SNX29: variants seen among roughly 807,000 people sequenced by gnomAD.
SNX29 encodes sorting nexin-29.
SNX29 carries 78 observed loss-of-function variants against 102.1 expected under a neutral mutation model. The ratio of observed to expected loss-of-function variants is 0.76; its 90% CI spans 0.64 to 0.92. SNX29 has a LOEUF of 0.92. Among genes scored for constraint, SNX29 ranks in the 40% least tolerant of loss-of-function variants. The pLI is 0.00. For missense variants in SNX29, 1,280 were observed against 1,061.7 expected, an observed-to-expected ratio of 1.21 and a Z score of -2.86; for synonymous variants, 580 against 414.5, an observed-to-expected ratio of 1.40 and a Z score of -4.85.
At chr16:12,359,707 C>G (rs2082246956) in intron 16 of SNX29, among the ~76,000 whole-genome samples, 2 of 152,212 alleles carry the variant, frequency 1.3e-5, no homozygotes, top group African/African-American at 4.8e-5. Flanking sequence ...CTACTCATTA[C>G]TTCTCAACTC....
At chr16:12,451,846 A>C (rs771690903) in intron 18 of SNX29, among the ~76,000 whole-genome samples, 2 of 152,248 alleles carry the variant, frequency 1.3e-5, no homozygotes, top group African/African-American at 2.4e-5. Context: ...CCTGGGTGAC[A>C]GAGCAAGACT....
intron 13 of SNX29, among the ~76,000 whole-genome samples, chr16:12,179,870 G>GTTGGTAGTAGTCTAATTT (rs146984786): frequency 0.17 from 25,685 of 152,128 alleles, 2,274 homozygotes; most frequent in East Asian, 0.27. Context: ...TGCTGTCAAA[G>GTTGGTAGTAGTCTAATTT]TCTTCTCCTT....
intron 14 of SNX29, among the ~76,000 whole-genome samples, chr16:12,275,887 T>G (rs958327517): frequency 2.0e-5 from 3 of 146,978 alleles, no homozygotes; most frequent in Non-Finnish European, 4.5e-5. Context: ...AATTGTTTTT[T>G]TTTTTTTTTT....
At chr16:11,997,735 T>C (rs2056137960) in intron 1 of SNX29, among the ~76,000 whole-genome samples, 4 of 152,158 alleles carry the variant, frequency 2.6e-5, no homozygotes, top group African/African-American at 9.7e-5. Flanking sequence ...TGCCTCAGCC[T>C]TCCAAAGTGC....
chr16:12,545,138 C>T (rs1490939041), intron 20 of SNX29, among the ~76,000 whole-genome samples: 1 of 152,092 alleles, frequency 6.6e-6, no homozygotes, highest in Non-Finnish European at 1.5e-5. Flanking sequence ...TTACCTAGCA[C>T]AGCTATGAAG....
intron 15 of SNX29, among the ~76,000 whole-genome samples, chr16:12,331,562 T>A (rs2081292356): frequency 6.6e-6 from 1 of 152,120 alleles, no homozygotes; most frequent in South Asian, 2.1e-4. Context: ...AGAATTTTTT[T>A]GTTTTTGAGA....
intron 15 of SNX29, among the ~76,000 whole-genome samples, chr16:12,328,586 G>A (rs1016956274): frequency 2.0e-5 from 3 of 152,052 alleles, no homozygotes; most frequent in Non-Finnish European, 4.4e-5. Flanking sequence ...TCTGTCCCCA[G>A]AGGCCTTGGT....
rs66825746 is a variant in SNX29 at position 12,557,015 on chromosome 16, A to ACACCCCCCCCCCCCCCCCC, written c.2319-11490_2319-11489insACCCCCCCCCCCCCCCCCC. Among the ~76,000 whole-genome samples, 13 of 31,834 alleles carry ACACCCCCCCCCCCCCCCCC rather than the reference A, an allele frequency of 4.1e-4. 2 individuals are homozygous for ACACCCCCCCCCCCCCCCCC. Among genetic ancestry groups the ACACCCCCCCCCCCCCCCCC allele is most frequent in the East Asian group, 6.4e-4 (1 of 1,552 alleles). The allele number at this position is 31,834 out of a possible 152,430, so 20.9% of individuals were successfully genotyped here. ...GGTACACACCACATCTGGCTAATTTACCCCCCCCCCGCCCCAAGATGAGGT... is the reference window on the plus strand; with the variant it reads ...GGTACACACCACATCTGGCTAATTTACACCCCCCCCCCCCCCCCCCCCCCCCCCCGCCCCAAGATGAGGT... On this transcript the variant is annotated intron_variant, in intron 20 of 20. Transcript: ENST00000566228.
At chr16:12,318,828 A>G (rs1278504957) in intron 15 of SNX29, among the ~76,000 whole-genome samples, 1 of 152,168 alleles carries the variant, frequency 6.6e-6, no homozygotes, top group Non-Finnish European at 1.5e-5. Context: ...GTAAGTGTGC[A>G]TTCCTCTAGA....
Position 12,570,769 on chromosome 16 carries a change from T to C in SNX29, c.*2140T>C, listed in dbSNP as rs2079170660. ...GGAAGCACCTTGGACATTCTGCACA[T>C]GATAATAATGCAACAGTCCCCCATT... On this transcript the variant is annotated 3_prime_UTR_variant, in exon 21 of 21. Coordinates refer to ENST00000566228, the MANE Select transcript of SNX29 (RefSeq NM_032167.5). 1.2e-5 allele frequency: 2 copies of C among 164,088 alleles called. No homozygotes were observed. The highest frequency in any genetic ancestry group is 6.0e-4 in the South Asian group (2 of 3,340). The allele number at this position is 164,088 out of a possible 1,614,324, so 10.2% of individuals were successfully genotyped here.
chr16:12,186,756 G>A (rs1038044375), intron 13 of SNX29, among the ~76,000 whole-genome samples: 1 of 152,134 alleles, frequency 6.6e-6, no homozygotes, highest in Non-Finnish European at 1.5e-5. Flanking sequence ...TTGCTTGATA[G>A]AACATCCCTC....
intron 13 of SNX29, among the ~76,000 whole-genome samples, chr16:12,135,295 C>T (rs350284): frequency 2.4e-3 from 362 of 152,322 alleles, no homozygotes; most frequent in African/African-American, 8.4e-3. Flanking sequence ...GCAAAATTAA[C>T]CATCACACTC....
intron 3 of SNX29, among the ~76,000 whole-genome samples, chr16:12,004,357 T>C (rs2056386757): frequency 6.6e-6 from 1 of 151,292 alleles, no homozygotes; most frequent in Non-Finnish European, 1.5e-5. Flanking sequence ...AAAAAAAAAT[T>C]CCTAAAAATG....
At chr16:12,101,390 T>TA (rs1357642179) in intron 11 of SNX29, among the ~76,000 whole-genome samples, 49 of 148,944 alleles carry the variant, frequency 3.3e-4, no homozygotes, top group African/African-American at 7.7e-4. Context: ...AATTTTATTT[T>TA]TTTTTTTTTT....
chr16:11,979,275 C>A (rs1363478882), intron 1 of SNX29, among the ~76,000 whole-genome samples: 12 of 61,998 alleles, frequency 1.9e-4, no homozygotes, highest in South Asian at 6.4e-4. Flanking sequence ...ACTCAGTCTC[C>A]AAAAAAAAAA....
At chr16:11,990,070 G>A (rs1177896847) in intron 1 of SNX29, among the ~76,000 whole-genome samples, 2 of 152,206 alleles carry the variant, frequency 1.3e-5, no homozygotes, top group African/African-American at 4.8e-5. Flanking sequence ...CCAAGTCTCA[G>A]TTCCTTTGTT....
intron 9 of SNX29, among the ~76,000 whole-genome samples, chr16:12,063,276 C>T (rs1333729085): frequency 6.6e-6 from 1 of 150,660 alleles, no homozygotes; most frequent in Non-Finnish European, 1.5e-5. Context: ...AGGGGGCTTT[C>T]CTGACTTGGT....
intron 18 of SNX29, among the ~76,000 whole-genome samples, chr16:12,437,364 A>G (rs377373913): frequency 1.7e-4 from 26 of 152,244 alleles, no homozygotes; most frequent in African/African-American, 6.0e-4. Context: ...GGCCCTGCCC[A>G]CCGCATTCCC....
chr16:12,291,313 G>A (rs1005689011), intron 15 of SNX29, among the ~76,000 whole-genome samples: 2 of 152,230 alleles, frequency 1.3e-5, no homozygotes, highest in African/African-American at 2.4e-5. Flanking sequence ...AGCAAGTCAT[G>A]TCTAACATGG....
Sources: allele counts gnomAD v4.1 joint callset (sites outside exome capture counted in the v4.1 genomes callset), GRCh38; gene constraint gnomAD v4.1.1; transcripts MANE v1.5; gene names NCBI Gene and HGNC (gene_info 2026-07-23, HGNC 2026-07-21).